The following AGBL4 variants were observed in gnomAD, a reference collection of about 807,000 sequenced individuals.
AGBL4 encodes AGBL carboxypeptidase 4, also known as cytosolic carboxypeptidase 6.
Under a neutral mutation model 66.4 loss-of-function variants are expected in AGBL4, and 58 were observed. The ratio of observed to expected loss-of-function variants is 0.87; its 90% CI spans 0.71 to 1.09. AGBL4 has a LOEUF of 1.09. Among genes scored for constraint, AGBL4 ranks in the 50% least tolerant of loss-of-function variants. AGBL4 has a pLI of 0.00. For missense variants in AGBL4, 579 were observed against 631.0 expected, an observed-to-expected ratio of 0.92 and a Z score of 0.88; for synonymous variants, 234 against 222.9, an observed-to-expected ratio of 1.05 and a Z score of -0.44.
rs903514386 is a variant in AGBL4 at position 48,749,490 on chromosome 1, G to A, written c.635-86249C>T. 5.3e-5 allele frequency among the ~76,000 whole-genome samples: 8 copies of A among 152,286 alleles called. No individual in the cohort carries two copies. The East Asian group carries it at 7.7e-4, about 15-fold the overall frequency. On this transcript the variant is annotated intron_variant, in intron 6 of 13. Transcript: ENST00000371839. Reference sequence around the variant, plus strand: ...AAGTAACTTGCCAGAAGTCACATAGGTGGTGAGTGCTCAAACTCAGGGTTG... The same window carrying A: ...AAGTAACTTGCCAGAAGTCACATAGATGGTGAGTGCTCAAACTCAGGGTTG...
chr1:49,398,957 T>G (rs1645028636), intron 3 of AGBL4, among the ~76,000 whole-genome samples: 1 of 152,180 alleles, frequency 6.6e-6, no homozygotes, highest in Non-Finnish European at 1.5e-5. Flanking sequence ...GATTTTTTTT[T>G]GTTTTCATTA....
intron 5 of AGBL4, among the ~76,000 whole-genome samples, chr1:48,951,633 G>C (rs1656988828): frequency 6.6e-6 from 1 of 152,122 alleles, no homozygotes; most frequent in African/African-American, 2.4e-5. Flanking sequence ...CAAGAAGATG[G>C]CAGTCTGTGA....
At chr1:48,641,510 G>C (rs78203665) in intron 8 of AGBL4, among the ~76,000 whole-genome samples, 4,067 of 152,190 alleles carry the variant, frequency 0.027, 168 homozygotes, top group African/African-American at 0.09. Context: ...AAGAACATAG[G>C]CTTCAAAGGC....
chr1:49,556,584 C>T (rs1038536580), intron 3 of AGBL4, among the ~76,000 whole-genome samples: 1 of 151,754 alleles, frequency 6.6e-6, no homozygotes, highest in African/African-American at 2.4e-5. Flanking sequence ...CATTTACAAA[C>T]CTTTATCTAG....
intron 6 of AGBL4, among the ~76,000 whole-genome samples, chr1:48,837,711 C>CACTATATATATATA (rs1471719980): frequency 4.9e-5 from 4 of 82,310 alleles, no homozygotes; most frequent in African/African-American, 1.3e-4. Flanking sequence ...CACACACACA[C>CACTATATATATATA]TATATATATA....
chr1:48,665,882 C>T (rs764551265), intron 6 of AGBL4, among the ~76,000 whole-genome samples: 2 of 152,194 alleles, frequency 1.3e-5, no homozygotes, highest in Admixed American at 6.5e-5. Flanking sequence ...TGAAGGCTAA[C>T]TTTATGGATG....
intron 2 of AGBL4, among the ~76,000 whole-genome samples, chr1:49,720,044 A>C (rs545500675): frequency 6.6e-6 from 1 of 152,264 alleles, no homozygotes; most frequent in African/African-American, 2.4e-5. Context: ...ATGGACTAAT[A>C]CAGACATGTT....
chr1:49,316,288 T>C (rs745380048), intron 3 of AGBL4, among the ~76,000 whole-genome samples: 14 of 152,078 alleles, frequency 9.2e-5, no homozygotes, highest in Non-Finnish European at 2.1e-4. Flanking sequence ...TGTATGAATA[T>C]TGACTCATCA....
chr1:49,380,899 A>G (rs1644589983), intron 3 of AGBL4, among the ~76,000 whole-genome samples: 1 of 152,218 alleles, frequency 6.6e-6, no homozygotes, highest in Non-Finnish European at 1.5e-5. Flanking sequence ...ACCCAAGAAG[A>G]AAACCTAGGC....
chr1:49,892,124 T>C (rs1403190218), intron 1 of AGBL4, among the ~76,000 whole-genome samples: 2 of 152,192 alleles, frequency 1.3e-5, no homozygotes, highest in Non-Finnish European at 2.9e-5. Context: ...TCTCCTTTCC[T>C]GGAAGTTCAC....
At chr1:50,020,751 G>T (rs566300998) in intron 1 of AGBL4, among the ~76,000 whole-genome samples, 1 of 152,172 alleles carries the variant, frequency 6.6e-6, no homozygotes, top group African/African-American at 2.4e-5. Flanking sequence ...ATAAAACATA[G>T]AGAATACCTT....
chr1:48,653,728 G>A (rs770600478), intron 7 of AGBL4, among the ~76,000 whole-genome samples: 1 of 152,168 alleles, frequency 6.6e-6, no homozygotes, highest in Non-Finnish European at 1.5e-5. Context: ...GAGGGCTTCC[G>A]AGAATGATGA....
At chr1:49,219,297 A>C (rs1249015918) in intron 4 of AGBL4, among the ~76,000 whole-genome samples, 3 of 152,168 alleles carry the variant, frequency 2.0e-5, no homozygotes, top group African/African-American at 7.2e-5. Flanking sequence ...ATGTCTCCCC[A>C]GTGAGTTTTA....
intron 4 of AGBL4, among the ~76,000 whole-genome samples, chr1:49,215,150 C>G (rs1026811160): frequency 6.6e-6 from 1 of 152,084 alleles, no homozygotes; most frequent in South Asian, 2.1e-4. Flanking sequence ...CCAGCATATG[C>G]AAATCCTAAC....
At chr1:49,413,055 T>C (rs1645350120) in intron 3 of AGBL4, among the ~76,000 whole-genome samples, 1 of 152,072 alleles carries the variant, frequency 6.6e-6, no homozygotes, top group Admixed American at 6.5e-5. Flanking sequence ...TGCAGTAGAT[T>C]GAAGACTGAA....
At chr1:48,687,342 G>A (rs1646550084) in intron 6 of AGBL4, among the ~76,000 whole-genome samples, 1 of 152,300 alleles carries the variant, frequency 6.6e-6, no homozygotes, top group South Asian at 2.1e-4. Flanking sequence ...GGACAGAGCA[G>A]GGCTGCTTAA....
At chr1:49,599,502 T>A (rs2124146735) in intron 3 of AGBL4, among the ~76,000 whole-genome samples, 1 of 151,994 alleles carries the variant, frequency 6.6e-6, no homozygotes, top group Admixed American at 6.5e-5. Context: ...GATTCTTCTC[T>A]CTTTTCTTCT....
intron 1 of AGBL4, among the ~76,000 whole-genome samples, chr1:49,903,454 C>T (rs1242503415): frequency 1.3e-5 from 2 of 152,032 alleles, no homozygotes; most frequent in Admixed American, 1.3e-4. Context: ...ACCCCTGTTA[C>T]ACACAGTTTA....
chr1:49,426,993 A>G (rs546960430), intron 3 of AGBL4, among the ~76,000 whole-genome samples: 126 of 152,338 alleles, frequency 8.3e-4, no homozygotes, highest in African/African-American at 2.9e-3. Flanking sequence ...CAAGGCCAGA[A>G]GGACACACAA....
Sources: gnomAD v4.1 joint callset for allele counts (sites outside exome capture counted in the v4.1 genomes callset) on GRCh38, gnomAD v4.1.1 for gene constraint, MANE v1.5 for transcripts, NCBI Gene and HGNC (gene_info 2026-07-23, HGNC 2026-07-21) for gene names.